TLL1: variants seen among roughly 807,000 people sequenced by gnomAD.
The protein encoded by TLL1 is tolloid-like protein 1.
A neutral mutation model predicts 128.2 loss-of-function variants in TLL1; 49 were observed. The ratio of observed to expected loss-of-function variants is 0.38; its 90% CI spans 0.30 to 0.48. The LOEUF is 0.48. Among genes scored for constraint, TLL1 ranks in the 20% least tolerant of loss-of-function variants. TLL1 has a pLI of 0.96. For synonymous variants in TLL1, 454 were observed against 418.8 expected (o/e 1.08, Z -1.03); for missense variants, 1,123 against 1,242.0 (o/e 0.90, Z 1.44).
At chr4:166,100,296 A>G (rs916455498) in intron 20 of TLL1, among the ~76,000 whole-genome samples, 29 of 152,240 alleles carry the variant, frequency 1.9e-4, no homozygotes, top group African/African-American at 6.0e-4. Flanking sequence ...CTTGATGCTT[A>G]GAGTATTAAA....
At chr4:165,987,225 G>C (rs575702954) in intron 1 of TLL1, among the ~76,000 whole-genome samples, 6 of 152,066 alleles carry the variant, frequency 3.9e-5, no homozygotes, top group Non-Finnish European at 1.5e-5. Flanking sequence ...AGAGCTATTT[G>C]CATTGTAAAT....
chr4:165,959,237 A>C (rs1185181359), intron 1 of TLL1, among the ~76,000 whole-genome samples: 1 of 151,982 alleles, frequency 6.6e-6, no homozygotes, highest in Non-Finnish European at 1.5e-5. Context: ...AGTTTTTTCC[A>C]ATTCTGTGAA....
chr4:166,057,658 C>A (rs1334861529), intron 14 of TLL1, among the ~76,000 whole-genome samples: 1 of 152,118 alleles, frequency 6.6e-6, no homozygotes, highest in East Asian at 1.9e-4. Context: ...TTAATGGACT[C>A]ACAGTTCCAC....
At chr4:166,049,120 T>C (rs1739595106) in intron 12 of TLL1, among the ~76,000 whole-genome samples, 1 of 152,172 alleles carries the variant, frequency 6.6e-6, no homozygotes, top group African/African-American at 2.4e-5. Flanking sequence ...TATATTTTAG[T>C]AATGACTATA....
At chr4:165,977,102 G>T (rs2015391688) in intron 1 of TLL1, among the ~76,000 whole-genome samples, 1 of 152,162 alleles carries the variant, frequency 6.6e-6, no homozygotes, top group African/African-American at 2.4e-5. Context: ...ATAAATGTTA[G>T]AAGTTAGATT....
intron 17 of TLL1, among the ~76,000 whole-genome samples, chr4:166,076,420 A>G (rs1196548921): frequency 6.6e-6 from 1 of 152,220 alleles, no homozygotes; most frequent in Non-Finnish European, 1.5e-5. Flanking sequence ...ATTCAGAGAA[A>G]AAAACAAGAC....
intron 1 of TLL1, among the ~76,000 whole-genome samples, chr4:165,959,284 T>C (rs929704822): frequency 2.6e-5 from 4 of 152,120 alleles, no homozygotes; most frequent in African/African-American, 9.7e-5. Flanking sequence ...TGGCATTGAA[T>C]CTATAAATTA....
chr4:166,013,096 C>T (rs539807468), intron 7 of TLL1, among the ~76,000 whole-genome samples: 6 of 151,774 alleles, frequency 4.0e-5, no homozygotes, highest in Admixed American at 2.6e-4. Context: ...CTGTACTGCC[C>T]GTTACCCATA....
At chr4:165,935,717 T>C (rs1477206583) in intron 1 of TLL1, among the ~76,000 whole-genome samples, 2 of 152,182 alleles carry the variant, frequency 1.3e-5, no homozygotes, top group Non-Finnish European at 2.9e-5. Context: ...CACACTATAG[T>C]TTAGTCTGGC....
At chr4:166,025,617 C>T (rs944006681) in intron 9 of TLL1, among the ~76,000 whole-genome samples, 186 bp downstream of exon 9, 3 of 152,204 alleles carry the variant, frequency 2.0e-5, no homozygotes, top group African/African-American at 7.2e-5. Flanking sequence ...TAATTTTAAA[C>T]TTTTTGATGC....
chr4:165,983,493 G>A (rs72972301), intron 1 of TLL1, among the ~76,000 whole-genome samples: 8,907 of 151,808 alleles, frequency 0.059, 869 homozygotes, highest in African/African-American at 0.2. Flanking sequence ...CATGAAAAAT[G>A]TCTTTATTAT....
At position 165,982,021 on chromosome 4, in the gene TLL1, A is replaced by G. The variant is rs1466044500; in HGVS notation, c.170-7360A>G. The stretch of plus-strand genomic sequence containing the variant: ...TCTGACGCGGAATAATTTTGCTTTA[A>G]GAAATGACCTGTCTGTTATCAGTGC... On this transcript the variant is annotated intron_variant, in intron 1 of 20. Coordinates refer to ENST00000061240, the MANE Select transcript of TLL1 (RefSeq NM_012464.5). Among the ~76,000 whole-genome samples the G allele has an allele frequency of 3.3e-5, 5 of 152,060 alleles. No individual in the cohort carries two copies. The South Asian group carries it at 1.0e-3, about 31-fold the overall frequency.
chr4:166,063,517 T>C (rs1167416992), intron 15 of TLL1, among the ~76,000 whole-genome samples: 1 of 152,190 alleles, frequency 6.6e-6, no homozygotes, highest in Non-Finnish European at 1.5e-5. Context: ...TTATAAATCA[T>C]GCTGCTTTAA....
At position 166,097,870 on chromosome 4, in the gene TLL1, C is replaced by T. The variant is rs543659976; in HGVS notation, c.2657-1407C>T. Among the ~76,000 whole-genome samples, 14 of 152,140 alleles carry T rather than the reference C, an allele frequency of 9.2e-5. No individual in the cohort carries two copies. The South Asian group carries it at 2.7e-3, about 29-fold the overall frequency. On this transcript the variant is annotated intron_variant, in intron 19 of 20. Coordinates refer to ENST00000061240, the MANE Select transcript of TLL1 (RefSeq NM_012464.5). ...TTTTAGCAGTGAAACTCCTGCTTCC[C>T]GGAAACTCTTTCAATCCTTGACAAA...
intron 4 of TLL1, among the ~76,000 whole-genome samples, 194 bp downstream of exon 4, chr4:165,994,727 A>T (rs1188794471): frequency 6.6e-6 from 1 of 152,202 alleles, no homozygotes; most frequent in Non-Finnish European, 1.5e-5. Flanking sequence ...GTGTTCTAAG[A>T]GTTTAAAGCA....
intron 1 of TLL1, among the ~76,000 whole-genome samples, chr4:165,890,898 T>C (rs1454782836): frequency 2.6e-5 from 4 of 152,202 alleles, no homozygotes; most frequent in African/African-American, 7.2e-5. Flanking sequence ...GCAGAGGTTC[T>C]CCATGAGGGC....
intron 1 of TLL1, among the ~76,000 whole-genome samples, chr4:165,895,633 TAAAAAAA>T (rs57920393): frequency 1.1e-3 from 76 of 68,448 alleles, no homozygotes; most frequent in Admixed American, 1.9e-3. Context: ...AGACTTTTTG[TAAAAAAA>T]AAAAAAAAAA....
At chr4:166,063,237 A>G (rs978472526) in intron 15 of TLL1, among the ~76,000 whole-genome samples, 2 of 152,232 alleles carry the variant, frequency 1.3e-5, no homozygotes, top group African/African-American at 2.4e-5. Context: ...GACACATGAA[A>G]AAATGCTCAT....
chr4:166,020,699 C>T (rs1394791540), intron 8 of TLL1, among the ~76,000 whole-genome samples: 1 of 152,056 alleles, frequency 6.6e-6, no homozygotes, highest in East Asian at 1.9e-4. Flanking sequence ...ATCCCATGAC[C>T]TTTTGCTTAT....
Sources: allele counts gnomAD v4.1 joint callset (sites outside exome capture counted in the v4.1 genomes callset), GRCh38; gene constraint gnomAD v4.1.1; transcripts MANE v1.5; gene names NCBI Gene and HGNC (gene_info 2026-07-23, HGNC 2026-07-21).